Variants in TYK2 observed in about 807,000 individuals in gnomAD.
TYK2 encodes the protein non-receptor tyrosine-protein kinase TYK2.
TYK2 carries 65 observed loss-of-function variants against 130.9 expected under a neutral mutation model. The observed-to-expected ratio is 0.50, with a 90% CI of 0.41 to 0.61. The LOEUF (loss-of-function observed/expected upper bound fraction) is 0.61. Among genes scored for constraint, TYK2 ranks in the 20% least tolerant of loss-of-function variants. TYK2 has a pLI of 0.00. For missense variants in TYK2, 1,378 were observed against 1,610.7 expected (o/e 0.86, Z 2.47); for synonymous variants, 647 against 658.9 (o/e 0.98, Z 0.28).
At chr19:10,379,515 A>G (rs2042295690) in intron 2 of TYK2, 100 bp downstream of exon 2, 1 of 149,770 alleles carries the variant, frequency 6.7e-6, no homozygotes, top group Non-Finnish European at 1.5e-5. Flanking sequence ...CAATAAATAA[A>G]TAAATAAATA....
At chr19:10,377,152 G>T (rs904078519) in intron 3 of TYK2, among the ~76,000 whole-genome samples, 1 of 152,118 alleles carries the variant, frequency 6.6e-6, no homozygotes, top group Non-Finnish European at 1.5e-5. Flanking sequence ...CAATCCTCCT[G>T]CCTGGGCCTC....
At chr19:10,358,802 C>G (rs1047316811) in intron 15 of TYK2, among the ~76,000 whole-genome samples, 1 of 151,854 alleles carries the variant, frequency 6.6e-6, no homozygotes, top group Non-Finnish European at 1.5e-5. Flanking sequence ...TGGTGGCTCA[C>G]GCCTGGAATC....
chr19:10,360,664 A>C (rs2041355178), intron 14 of TYK2, among the ~76,000 whole-genome samples: 1 of 146,904 alleles, frequency 6.8e-6, no homozygotes, highest in Admixed American at 6.8e-5. Context: ...TCCAGGGGAA[A>C]GTGGGGGAGA....
chr19:10,365,151 C>A (rs1258881530), intron 7 of TYK2, 103 bp from the exon 8 acceptor site: 64 of 1,335,782 alleles, frequency 4.8e-5, no homozygotes, highest in Non-Finnish European at 6.3e-5. Flanking sequence ...GGCCAGGCAC[C>A]AACCTAGGTT....
At chr19:10,372,246 G>A (rs2041935277) in intron 3 of TYK2, among the ~76,000 whole-genome samples, 1 of 149,192 alleles carries the variant, frequency 6.7e-6, no homozygotes, top group Non-Finnish European at 1.5e-5. Flanking sequence ...GCCCACCTCA[G>A]CCTCCCAAAG....
Position 10,359,291 on chromosome 19 carries a change from T to G in TYK2, c.2059A>C (p.Thr687Pro), listed in dbSNP as rs1393700751. ...AGGGGTCCGTGCTCCACGTACTCTGTCACCATGATATCTGTAAAGACACAG... is the reference window on the plus strand; with the variant it reads ...AGGGGTCCGTGCTCCACGTACTCTGGCACCATGATATCTGTAAAGACACAG... ...CVRGPENIMV[T>P]EYVEHGPLDV... Residue 687 changes from threonine (T) to proline (P), a missense_variant, in exon 15 of 25, where the codon ACA becomes CCA. Coordinates refer to ENST00000525621, the MANE Select transcript of TYK2 (RefSeq NM_003331.5). 1 of 1,611,386 alleles carries G rather than the reference T, an allele frequency of 6.2e-7. No individual in the cohort carries two copies. The highest frequency in any genetic ancestry group is 8.5e-7 in the Non-Finnish European group (1 of 1,179,920).
At chr19:10,377,476 G>A (rs1365252369) in intron 3 of TYK2, among the ~76,000 whole-genome samples, 3 of 113,008 alleles carry the variant, frequency 2.7e-5, no homozygotes, top group Admixed American at 9.8e-5. Flanking sequence ...GGATGGGTGG[G>A]TGGATGGATG....
chr19:10,366,905 G>A (rs1029013658), intron 5 of TYK2, among the ~76,000 whole-genome samples: 2 of 151,922 alleles, frequency 1.3e-5, no homozygotes, highest in Non-Finnish European at 2.9e-5. Context: ...TTAGCCAGGT[G>A]TGGTGGCGCA....
chr19:10,365,849 T>A lies in TYK2; in HGVS notation c.679A>T (p.Ser227Cys), dbSNP rs758211254. 2 of 1,612,310 alleles carry A rather than the reference T, an allele frequency of 1.2e-6. No individual in the cohort carries two copies. Among genetic ancestry groups the A allele is most frequent in the Non-Finnish European group, 1.7e-6 (2 of 1,179,716 alleles). Residue 227 changes from serine (S) to cysteine (C), a missense_variant, in exon 7 of 25, where the codon AGC becomes TGC. Ser to Cys is a moderately radical substitution (Grantham distance 112). Transcript: ENST00000525621. ...CGAAGGCGCAGCCGGGTCAGGGCGC[T>A]GTGCTGCCGGATATGCCGGCGGAAG... ...RSFRRHIRQH[S>C]ALTRLRLRNV...
rs969258820 is a variant in TYK2, at chr19:10,361,280, T to C, written c.2047+231A>G. 13 of 618,788 alleles carry C rather than the reference T, an allele frequency of 2.1e-5. No homozygotes were observed. Among genetic ancestry groups the C allele is most frequent in the African/African-American group, 5.5e-5 (3 of 54,864 alleles). 38.3% of individuals were successfully genotyped at this position (618,788 alleles called of 1,614,324 possible). On this transcript the variant is annotated intron_variant, in intron 14 of 24. Transcript: ENST00000525621. The surrounding 1 kb of genome is among the most constrained non-coding windows in gnomAD (Gnocchi z 4.0). ...TGGGAATCAGGGTGGGGGTTGAGAC[T>C]GAGGGCAGGTGAGGGTCGACGTGTT...
At position 10,361,911 on chromosome 19, in the gene TYK2, G is replaced by T; in HGVS notation, c.1818C>A (p.Gly606=). ...GQGTRTNVYE[G]RLRVEGSGDP... is the part of the protein sequence containing the mutation. ...CCCCGCTGCCCTCCACTCGCAGGCG[G>T]CCCTCATACACGTTGGTCCTTGTGC... Residue 606 remains glycine (G), a synonymous_variant, in exon 13 of 25, where the codon GGC becomes GGA. Coordinates refer to ENST00000525621, the MANE Select transcript of TYK2 (RefSeq NM_003331.5). This position sits in a 1 kb window ranked among gnomAD's most constrained non-coding sequence, Gnocchi z 4.0. 6.2e-7 allele frequency: 1 copy of T among 1,614,076 alleles called. No individual in the cohort carries two copies.
chr19:10,354,163 C>G lies in TYK2; in HGVS notation c.2787G>C (p.Val929=). Residue 929 remains valine (V), a synonymous_variant, in exon 20 of 25, where the codon GTG becomes GTC. Coordinates refer to ENST00000525621, the MANE Select transcript of TYK2 (RefSeq NM_003331.5). ...TNDGTGEMVA[V]KALKADCGPQ... is the part of the protein sequence containing the mutation. ...GGCCGCAGTCTGCCTTGAGGGCTTTCACCGCCACCATCTCGCCAGTGCCGT... is the reference window on the plus strand; with the variant it reads ...GGCCGCAGTCTGCCTTGAGGGCTTTGACCGCCACCATCTCGCCAGTGCCGT... The G allele has an allele frequency of 6.2e-7, 1 of 1,613,972 alleles. No homozygotes were observed. Among genetic ancestry groups the G allele is most frequent in the South Asian group, 1.1e-5 (1 of 91,084 alleles).
chr19:10,359,736 T>C (rs1288050915), intron 14 of TYK2, among the ~76,000 whole-genome samples: 1 of 151,764 alleles, frequency 6.6e-6, no homozygotes, highest in African/African-American at 2.4e-5. Context: ...TCCCAGCACT[T>C]TGGGAGGCTG....
At chr19:10,362,017 C>A in intron 12 of TYK2, 61 bp downstream of exon 12, 1 of 1,612,380 alleles carries the variant, frequency 6.2e-7, no homozygotes, top group South Asian at 1.1e-5. Flanking sequence ...TCTCCCAGGG[C>A]CCCCAGCACC....
At chr19:10,359,901 C>T (rs1317336149) in intron 14 of TYK2, among the ~76,000 whole-genome samples, 1 of 152,048 alleles carries the variant, frequency 6.6e-6, no homozygotes, top group Non-Finnish European at 1.5e-5. Context: ...CGCCGGTAGT[C>T]CCAGCTACTT....
At chr19:10,352,892 C>T in intron 22 of TYK2, 34 bp downstream of exon 22, 1 of 1,563,898 alleles carries the variant, frequency 6.4e-7, no homozygotes. Context: ...CAAGTGACCC[C>T]AGCACCCCCT....
At position 10,368,066 on chromosome 19, in the gene TYK2, G is replaced by A. The variant is rs745894180; in HGVS notation, c.454C>T (p.Leu152Phe). 2 of 1,614,012 alleles carry A rather than the reference G, an allele frequency of 1.2e-6. No homozygotes were observed. The highest frequency in any genetic ancestry group is 1.7e-6 in the Non-Finnish European group (2 of 1,180,032). Residue 152 changes from leucine to phenylalanine, a missense_variant, in exon 5 of 25, where the codon CTC becomes TTC. By Grantham distance (22) the Leu-to-Phe change is conservative. Coordinates refer to ENST00000525621, the MANE Select transcript of TYK2 (RefSeq NM_003331.5). Reference sequence around the variant, plus strand: ...AGCCCTGCTCATACCTGCTCAAAGAGGTACTCAAATGAGGCTGGGTCCAGG... The same window carrying A: ...AGCCCTGCTCATACCTGCTCAAAGAAGTACTCAAATGAGGCTGGGTCCAGG... ...QLLDPASFEY[L>F]FEQGKHEFVN...
intron 3 of TYK2, among the ~76,000 whole-genome samples, chr19:10,373,031 T>A (rs1410015295): frequency 6.6e-6 from 1 of 151,588 alleles, no homozygotes; most frequent in East Asian, 1.9e-4. Flanking sequence ...GCCCAGCTAA[T>A]TTTTTGTATT....
Position 10,367,252 on chromosome 19 carries a change from CACA to C in TYK2, c.466-675_466-673del, listed in dbSNP as rs531348213. On this transcript the variant is annotated intron_variant, in intron 5 of 24. Coordinates refer to ENST00000525621, the MANE Select transcript of TYK2 (RefSeq NM_003331.5). ...CACCATTTACTGGAAAGGCCAAATACACAGCATACACCCCTCCTCTTGTCAATC... is the reference window on the plus strand; with the variant it reads ...CACCATTTACTGGAAAGGCCAAATACGCATACACCCCTCCTCTTGTCAATC... 5.3e-5 allele frequency among the ~76,000 whole-genome samples: 8 copies of C among 152,218 alleles called. No homozygotes were observed. The South Asian group carries it at 1.5e-3, about 28-fold the overall frequency.
Sources: gnomAD v4.1 joint callset for allele counts (sites outside exome capture counted in the v4.1 genomes callset) on GRCh38, gnomAD v4.1.1 for gene constraint, Gnocchi (gnomAD v3.1) non-coding constraint, MANE v1.5 for transcripts, NCBI Gene and HGNC (gene_info 2026-07-23, HGNC 2026-07-21) for gene names.